Variants in ZNF45 observed in about 807,000 individuals in gnomAD.
The protein encoded by ZNF45 is zinc finger protein 45, also known as BRC1744.
ZNF45 carries 4 observed loss-of-function variants against 12.0 expected under a neutral mutation model. That is an observed-to-expected ratio of 0.33 (90% CI 0.16 to 0.76). The LOEUF (loss-of-function observed/expected upper bound fraction) is 0.76. ZNF45 is among the 30% of genes least tolerant of loss of function. The pLI is 0.60. For missense variants in ZNF45, 700 were observed against 813.0 expected, an observed-to-expected ratio of 0.86 and a Z score of 1.69; for synonymous variants, 272 against 279.6, an observed-to-expected ratio of 0.97 and a Z score of 0.27.
chr19:43,931,547 G>GTA, intron 3 of ZNF45, among the ~76,000 whole-genome samples: 1 of 133,816 alleles, frequency 7.5e-6, no homozygotes, highest in South Asian at 2.3e-4. Context: ...AAAAAAAAAT[G>GTA]TATACATATA....
intron 8 of ZNF45, 33 bp downstream of exon 8, chr19:43,919,540 G>T: frequency 1.2e-6 from 2 of 1,602,866 alleles, no homozygotes; most frequent in Non-Finnish European, 1.7e-6. Context: ...AACAGAGGGA[G>T]CCAATGTTCA....
intron 9 of ZNF45, among the ~76,000 whole-genome samples, chr19:43,917,494 ATT>A (rs139995318): frequency 0.43 from 65,182 of 151,416 alleles, 15,407 homozygotes; most frequent in East Asian, 0.57. Context: ...ATTTTTATTT[ATT>A]TTTTTTGAGA....
intron 9 of ZNF45, among the ~76,000 whole-genome samples, chr19:43,918,300 GAT>G (rs1315702535): frequency 1.3e-5 from 2 of 152,164 alleles, no homozygotes; most frequent in Admixed American, 1.3e-4. Flanking sequence ...AGGGGGAAAT[GAT>G]ACTCAATTTG....
intron 7 of ZNF45, 33 bp downstream of exon 7, chr19:43,922,138 C>T: frequency 6.2e-7 from 1 of 1,606,562 alleles, no homozygotes; most frequent in Non-Finnish European, 8.5e-7. Context: ...AATGAGATGA[C>T]AATTATTACG....
chr19:43,929,950 T>C (rs927437521), intron 3 of ZNF45: 14 of 152,238 alleles, frequency 9.2e-5, no homozygotes, highest in Non-Finnish European at 1.3e-4. Context: ...AGGGTTTGTG[T>C]GTTCAGCCAC....
intron 3 of ZNF45, 34 bp from the exon 4 acceptor site, chr19:43,925,492 T>C (rs1335601051): frequency 6.6e-6 from 1 of 152,216 alleles, no homozygotes; most frequent in African/African-American, 2.4e-5. Context: ...AATACCCAGA[T>C]TAAAAGCTTA....
In ZNF45 at chr19:43,913,381, CAT is replaced by C. The variant is rs757944547; in HGVS notation, c.*4_*5del. 32 of 1,528,048 alleles carry C rather than the reference CAT, an allele frequency of 2.1e-5. No individual in the cohort carries two copies. The African/African-American group carries it at 2.9e-4, about 14-fold the overall frequency. 94.7% of individuals were successfully genotyped at this position (1,528,048 alleles called of 1,614,324 possible). On this transcript the variant is annotated 3_prime_UTR_variant, in exon 10 of 10. Coordinates refer to ENST00000269973, the MANE Select transcript of ZNF45 (RefSeq NM_003425.4). ...TCAGCACCCATCTGAGATAGTAAAA[CAT>C]ATTTTATCGAGTTTTCCTGTGTGAA...
rs751922170 is a variant in ZNF45 at position 43,913,375 on chromosome 19, G to C, written c.*12C>G. On this transcript the variant is annotated 3_prime_UTR_variant, in exon 10 of 10. Transcript: ENST00000269973. ...AATATTTCAGCACCCATCTGAGATA[G>C]TAAAACATATTTTATCGAGTTTTCC... 1.3e-5 allele frequency: 20 copies of C among 1,527,210 alleles called. No individual in the cohort carries two copies. The highest frequency in any genetic ancestry group is 1.8e-4 in the Middle Eastern group (1 of 5,648). The allele number at this position is 1,527,210 out of a possible 1,614,324, so 94.6% of individuals were successfully genotyped here. A position where few individuals can be genotyped will look rare whatever the true frequency, so the allele number is the denominator to read the frequency against.
intron 9 of ZNF45, among the ~76,000 whole-genome samples, chr19:43,917,440 C>G (rs1170129083): frequency 6.6e-6 from 1 of 152,124 alleles, no homozygotes; most frequent in African/African-American, 2.4e-5. Flanking sequence ...TTGAAGCCTA[C>G]ATAGTTTGTC....
At chr19:43,919,490 C>G in intron 8 of ZNF45, 83 bp downstream of exon 8, 2 of 1,485,148 alleles carry the variant, frequency 1.3e-6, no homozygotes, top group Non-Finnish European at 1.8e-6. Context: ...AAAACCAGTT[C>G]AAGAGCTCCA....
chr19:43,926,552 A>T (rs1973692458), intron 3 of ZNF45: 1 of 152,226 alleles, frequency 6.6e-6, no homozygotes. Flanking sequence ...CTCAGTGAAG[A>T]CTTGTGGGAA....
rs1331339903 is a variant in ZNF45 at position 43,914,749 on chromosome 19, A to G, written c.687T>C (p.Phe229=). The change falls in exon 10 of 10, where the codon TTT becomes TTC. Residue 229 remains phenylalanine (F), a synonymous_variant. Transcript: ENST00000269973. ...SYTNDASYRS[F]SQRSHLPHHQ... ...GATGGGGAAGATGTGACCTCTGACT[A>G]AAACTCCTGTAACTTGCATCATTTG... The G allele has an allele frequency of 1.2e-6, 2 of 1,614,036 alleles. No homozygotes were observed. The highest frequency in any genetic ancestry group is 1.7e-6 in the Non-Finnish European group (2 of 1,180,050).
chr19:43,917,387 A>C (rs1972773117), intron 9 of ZNF45, among the ~76,000 whole-genome samples: 1 of 152,234 alleles, frequency 6.6e-6, no homozygotes, highest in Non-Finnish European at 1.5e-5. Flanking sequence ...GTTACATTGT[A>C]ATAATGGAAA....
chr19:43,915,283 T>C (rs1167217710), intron 9 of ZNF45, 83 bp from the exon 10 acceptor site: 3 of 1,260,922 alleles, frequency 2.4e-6, no homozygotes, highest in Non-Finnish European at 3.1e-6. Flanking sequence ...CTCGGGCCCA[T>C]AGCCTAAGGC....
chr19:43,924,618 G>T (rs981851034), intron 4 of ZNF45, 57 bp from the exon 5 acceptor site: 1 of 152,150 alleles, frequency 6.6e-6, no homozygotes, highest in Non-Finnish European at 1.5e-5. Flanking sequence ...AGAAATGAGG[G>T]CTCCAGAGTT....
chr19:43,915,172 A>G lies in ZNF45; in HGVS notation c.264T>C (p.Thr88=), dbSNP rs200303809. 5.9e-5 allele frequency: 90 copies of G among 1,516,504 alleles called. No individual in the cohort carries two copies. In the East Asian group the frequency reaches 1.8e-3, roughly 30 times the overall value. 93.9% of individuals were successfully genotyped at this position (1,516,504 alleles called of 1,614,324 possible). A position where few individuals can be genotyped will look rare whatever the true frequency, so the allele number is the denominator to read the frequency against. The change falls in exon 10 of 10, where the codon ACT becomes ACC. Residue 88 remains threonine, a synonymous_variant. Coordinates refer to ENST00000269973, the MANE Select transcript of ZNF45 (RefSeq NM_003425.4). ...SGAKNLKEME[T]LQEVGLRYLP... Reference sequence around the variant, plus strand: ...GGTACCTTAATCCTACTTCTTGAAGAGTCTCCATCTCTTTTAGATTCTTGG... The same window carrying G: ...GGTACCTTAATCCTACTTCTTGAAGGGTCTCCATCTCTTTTAGATTCTTGG...
chr19:43,924,228 T>C lies in ZNF45; in HGVS notation c.-33+10A>G, dbSNP rs556903182. ...GCACATGATGTTTCATTAAGGTACTTCACACATACCTGTGAAGAAGCTACT... is the reference window on the plus strand; with the variant it reads ...GCACATGATGTTTCATTAAGGTACTCCACACATACCTGTGAAGAAGCTACT... On this transcript the variant is annotated intron_variant, in intron 6 of 9. Coordinates refer to ENST00000269973, the MANE Select transcript of ZNF45 (RefSeq NM_003425.4). 1 of 152,318 alleles carries C rather than the reference T, an allele frequency of 6.6e-6. No individual in the cohort carries two copies. Among genetic ancestry groups the C allele is most frequent in the Non-Finnish European group, 1.5e-5 (1 of 68,028 alleles). The allele number at this position is 152,318 out of a possible 1,614,324, so 9.4% of individuals were successfully genotyped here. A position where few individuals can be genotyped will look rare whatever the true frequency, so the allele number is the denominator to read the frequency against.
chr19:43,922,916 C>G (rs903487038), intron 6 of ZNF45, among the ~76,000 whole-genome samples: 1 of 149,092 alleles, frequency 6.7e-6, no homozygotes, highest in Non-Finnish European at 1.5e-5. Context: ...GCCTTGACCT[C>G]CTGGGCTCAA....
At chr19:43,934,738 A>C (rs1276727279) in intron 1 of ZNF45, 44 bp from the exon 2 acceptor site, 8 of 152,340 alleles carry the variant, frequency 5.3e-5, no homozygotes, top group Admixed American at 2.0e-4. Flanking sequence ...CTGAAAAATG[A>C]ATATTTTTTA....
Sources: gnomAD v4.1 joint callset for allele counts (sites outside exome capture counted in the v4.1 genomes callset) on GRCh38, gnomAD v4.1.1 for gene constraint, MANE v1.5 for transcripts, NCBI Gene and HGNC (gene_info 2026-07-23, HGNC 2026-07-21) for gene names.